Variants in GIGYF2 observed in about 807,000 individuals in gnomAD.
The protein encoded by GIGYF2 is GRB10 interacting GYF protein 2, also known as GRB10-interacting GYF protein 2.
Under a neutral mutation model 208.1 loss-of-function variants are expected in GIGYF2, and 25 were observed. That is an observed-to-expected ratio of 0.12 (90% CI 0.09 to 0.17). The LOEUF (loss-of-function observed/expected upper bound fraction) is 0.17, where lower values mean the gene tolerates loss of function less well. Among genes scored for constraint, GIGYF2 ranks in the 10% least tolerant of loss-of-function variants. The pLI, the probability that GIGYF2 is intolerant of heterozygous loss-of-function variation, is 1.00. For synonymous variants in GIGYF2, 534 were observed against 543.8 expected, an observed-to-expected ratio of 0.98 and a Z score of 0.25; for missense variants, 1,302 against 1,579.4, an observed-to-expected ratio of 0.82 and a Z score of 2.98.
At chr2:232,788,926 A>G (rs1247968572) in intron 9 of GIGYF2, among the ~76,000 whole-genome samples, 2 of 152,154 alleles carry the variant, frequency 1.3e-5, no homozygotes, top group Non-Finnish European at 2.9e-5. Context: ...AACAGTGTAA[A>G]TGCATTTTAA....
intron 3 of GIGYF2, among the ~76,000 whole-genome samples, chr2:232,739,553 T>C (rs1317417120): frequency 6.6e-6 from 1 of 150,836 alleles, no homozygotes; most frequent in Admixed American, 6.6e-5. Flanking sequence ...GTGGTGCATA[T>C]GTTTGGTGTC....
At chr2:232,723,858 G>A (rs1318859169) in intron 2 of GIGYF2, among the ~76,000 whole-genome samples, 1 of 150,238 alleles carries the variant, frequency 6.7e-6, no homozygotes, top group African/African-American at 2.5e-5. Context: ...TCAGCCTCCT[G>A]AGTAGCTGGA....
chr2:232,843,959 T>C, intron 23 of GIGYF2, 87 bp from the exon 24 acceptor site: 1 of 1,175,434 alleles, frequency 8.5e-7, no homozygotes, highest in Non-Finnish European at 1.3e-6. Flanking sequence ...AGCTACTGTG[T>C]ATTTACATTC....
At chr2:232,707,664 G>GT (rs1370723857) in intron 2 of GIGYF2, among the ~76,000 whole-genome samples, 2 of 144,982 alleles carry the variant, frequency 1.4e-5, no homozygotes, top group East Asian at 2.0e-4. Context: ...TTGAGACAGA[G>GT]TTTCGCTCTT....
At chr2:232,770,726 C>CT (rs1261843561) in intron 8 of GIGYF2, among the ~76,000 whole-genome samples, 78 of 134,226 alleles carry the variant, frequency 5.8e-4, no homozygotes, top group African/African-American at 1.9e-3. Context: ...TGCATTTCTC[C>CT]TATTTTTTTT....
intron 22 of GIGYF2, among the ~76,000 whole-genome samples, chr2:232,836,301 TA>T (rs1559160508): frequency 1.8e-4 from 3 of 16,996 alleles, no homozygotes; most frequent in East Asian, 9.9e-4. Flanking sequence ...TATATATATA[TA>T]TATATATATA....
At chr2:232,788,587 C>T (rs774187414) in intron 9 of GIGYF2, 3 of 470,320 alleles carry the variant, frequency 6.4e-6, no homozygotes, top group South Asian at 3.1e-5. Context: ...CAAAAACAAA[C>T]AAGGTGAATG....
chr2:232,703,630 G>A (rs1695953400), intron 2 of GIGYF2, 141 bp downstream of exon 2: 1 of 152,632 alleles, frequency 6.6e-6, no homozygotes, highest in African/African-American at 2.4e-5. Context: ...GTGCCTGTCA[G>A]ATCCTTTATG....
intron 5 of GIGYF2, among the ~76,000 whole-genome samples, chr2:232,754,357 TAAG>T (rs1312990558): frequency 6.6e-6 from 1 of 152,176 alleles, no homozygotes; most frequent in Non-Finnish European, 1.5e-5. Flanking sequence ...TTTACATGGG[TAAG>T]AAGTAGAATT....
At chr2:232,728,359 G>A (rs964106353) in intron 2 of GIGYF2, among the ~76,000 whole-genome samples, 2 of 152,170 alleles carry the variant, frequency 1.3e-5, no homozygotes, top group Non-Finnish European at 2.9e-5. Context: ...TGATCTTGAG[G>A]CCCAGTCAGG....
chr2:232,711,653 CTATT>C (rs1343724693), intron 2 of GIGYF2, among the ~76,000 whole-genome samples: 1 of 142,834 alleles, frequency 7.0e-6, no homozygotes, highest in Non-Finnish European at 1.5e-5. Context: ...CAGTCTGTTG[CTATT>C]TATTACTTTG....
intron 15 of GIGYF2, among the ~76,000 whole-genome samples, chr2:232,807,344 C>T (rs1425875636): frequency 3.3e-5 from 5 of 152,030 alleles, no homozygotes; most frequent in Non-Finnish European, 2.9e-5. Context: ...CCCTGGACAA[C>T]GAAGTGAGAC....
At chr2:232,835,800 T>G (rs1403945045) in intron 22 of GIGYF2, among the ~76,000 whole-genome samples, 1 of 152,126 alleles carries the variant, frequency 6.6e-6, no homozygotes. Flanking sequence ...TTTGATTGTC[T>G]TTTCCACACC....
intron 21 of GIGYF2, among the ~76,000 whole-genome samples, chr2:232,830,258 C>T (rs778195987): frequency 1.3e-5 from 2 of 152,202 alleles, no homozygotes; most frequent in African/African-American, 2.4e-5. Context: ...GTTGGGATTA[C>T]AGGCACAAAC....
At chr2:232,847,719 A>C (rs1178909623) in intron 27 of GIGYF2, 148 bp downstream of exon 27, 3 of 1,139,172 alleles carry the variant, frequency 2.6e-6, no homozygotes, top group African/African-American at 3.1e-5. Context: ...CATATTTTCA[A>C]ATTACTTGTC....
At chr2:232,804,220 C>G (rs1228158714) in intron 14 of GIGYF2, among the ~76,000 whole-genome samples, 1 of 152,080 alleles carries the variant, frequency 6.6e-6, no homozygotes, top group Non-Finnish European at 1.5e-5. Flanking sequence ...TGTTAAACCT[C>G]TCTATCAGTT....
chr2:232,833,152 T>G (rs1429908912), intron 22 of GIGYF2, 59 bp downstream of exon 22: 1 of 1,088,754 alleles, frequency 9.2e-7, no homozygotes, highest in Non-Finnish European at 1.4e-6. Context: ...GTTAGGTAGG[T>G]GCTGGCTGTA....
intron 21 of GIGYF2, among the ~76,000 whole-genome samples, chr2:232,823,202 C>T (rs1467037122): frequency 1.3e-5 from 2 of 151,862 alleles, no homozygotes; most frequent in African/African-American, 4.8e-5. Flanking sequence ...ACTTTGTGTT[C>T]CTGGATTACC....
chr2:232,852,925 T>C (rs2106434865), intron 28 of GIGYF2, among the ~76,000 whole-genome samples: 1 of 152,264 alleles, frequency 6.6e-6, no homozygotes, highest in Middle Eastern at 3.4e-3. Context: ...TTTAAAAACC[T>C]CACTATAAGG....
Sources: allele counts gnomAD v4.1 joint callset (sites outside exome capture counted in the v4.1 genomes callset), GRCh38; gene constraint gnomAD v4.1.1; transcripts MANE v1.5; gene names NCBI Gene and HGNC (gene_info 2026-07-23, HGNC 2026-07-21).